Variants in PRELID2 observed in about 807,000 individuals in gnomAD.
The protein encoded by PRELID2 is PRELI domain-containing protein 2.
A neutral mutation model predicts 28.4 loss-of-function variants in PRELID2; 25 were observed. The observed-to-expected ratio is 0.88, with a 90% CI of 0.64 to 1.23. PRELID2 has a LOEUF of 1.23. PRELID2 is among the 50% of genes most tolerant of loss of function. The pLI, the probability that PRELID2 is intolerant of heterozygous loss-of-function variation, is 0.00. For synonymous variants in PRELID2, 76 were observed against 71.6 expected (o/e 1.06, Z -0.31); for missense variants, 201 against 214.4 (o/e 0.94, Z 0.39).
At chr5:145,440,327 T>G in the PRELID2 span, among the ~76,000 whole-genome samples, 2 of 152,220 alleles carry the variant, frequency 1.3e-5, no homozygotes, top group African/African-American at 4.8e-5. Context: ...CAACCCCTTG[T>G]GAACCTCACT....
chr5:145,243,501 A>C, the PRELID2 span, among the ~76,000 whole-genome samples: 1 of 151,992 alleles, frequency 6.6e-6, no homozygotes, highest in Non-Finnish European at 1.5e-5. Flanking sequence ...TACAATTAGC[A>C]CCTCAATTTT....
chr5:145,262,027 C>G, the PRELID2 span, among the ~76,000 whole-genome samples: 1 of 152,108 alleles, frequency 6.6e-6, no homozygotes, highest in Non-Finnish European at 1.5e-5. Context: ...GAATGAAGGA[C>G]ACACTTAGAC....
At chr5:145,688,701 C>T (rs1422160696) in intron 1 of PRELID2, among the ~76,000 whole-genome samples, 1 of 152,192 alleles carries the variant, frequency 6.6e-6, no homozygotes, top group African/African-American at 2.4e-5. Context: ...CAGAGCATGA[C>T]ACATTGGAAG....
chr5:145,230,376 A>G, the PRELID2 span, among the ~76,000 whole-genome samples: 1 of 152,194 alleles, frequency 6.6e-6, no homozygotes, highest in Non-Finnish European at 1.5e-5. Flanking sequence ...GTTTGAGACC[A>G]GCCTGACCAA....
intron 1 of PRELID2, among the ~76,000 whole-genome samples, chr5:145,663,169 C>T (rs2149678386): frequency 6.6e-6 from 1 of 152,130 alleles, no homozygotes; most frequent in South Asian, 2.1e-4. Context: ...AAAGAGTTAC[C>T]TTCTAGCTAG....
At chr5:145,364,131 T>C in the PRELID2 span, among the ~76,000 whole-genome samples, 1 of 151,992 alleles carries the variant, frequency 6.6e-6, no homozygotes, top group East Asian at 1.9e-4. Flanking sequence ...CAGAAGAAAA[T>C]AGGAGTGTGA....
At chr5:145,605,645 T>G (rs1047713957) in intron 1 of PRELID2, among the ~76,000 whole-genome samples, 4 of 152,166 alleles carry the variant, frequency 2.6e-5, no homozygotes, top group African/African-American at 9.7e-5. Flanking sequence ...AGGATTGCCT[T>G]GGCTATTCAA....
the PRELID2 span, among the ~76,000 whole-genome samples, chr5:145,452,564 CCACTGTAGCA>C: frequency 6.6e-6 from 1 of 152,158 alleles, no homozygotes; most frequent in Non-Finnish European, 1.5e-5. Flanking sequence ...TTTATTTCCC[CCACTGTAGCA>C]CAGATCACAC....
At chr5:145,372,940 AAT>A in the PRELID2 span, among the ~76,000 whole-genome samples, 1 of 59,408 alleles carries the variant, frequency 1.7e-5, no homozygotes, top group African/African-American at 5.7e-5. Context: ...CAACATATAT[AAT>A]ATATATGATA....
the PRELID2 span, among the ~76,000 whole-genome samples, chr5:145,309,586 A>T: frequency 6.6e-6 from 1 of 152,190 alleles, no homozygotes; most frequent in African/African-American, 2.4e-5. Context: ...ATAATCAAAA[A>T]TTCCCTTTTA....
intron 1 of PRELID2, among the ~76,000 whole-genome samples, chr5:145,693,998 C>G (rs1382632689): frequency 6.6e-6 from 1 of 152,130 alleles, no homozygotes; most frequent in Non-Finnish European, 1.5e-5. Context: ...GTTCAAATCC[C>G]AGTCCTATCA....
the PRELID2 span, among the ~76,000 whole-genome samples, chr5:145,407,500 T>C: frequency 6.6e-6 from 1 of 152,132 alleles, no homozygotes; most frequent in Non-Finnish European, 1.5e-5. Context: ...AACCCTGCCC[T>C]TAACTGGTGG....
the PRELID2 span, among the ~76,000 whole-genome samples, chr5:145,326,894 A>G: frequency 6.6e-6 from 1 of 152,188 alleles, no homozygotes; most frequent in Non-Finnish European, 1.5e-5. Context: ...TTCTAAGAGC[A>G]TAAAGAAGAA....
intron 1 of PRELID2, among the ~76,000 whole-genome samples, chr5:145,569,604 T>C (rs887576748): frequency 6.6e-6 from 1 of 152,222 alleles, no homozygotes; most frequent in South Asian, 2.1e-4. Flanking sequence ...CATTGGAATA[T>C]GTGATTTCCT....
chr5:145,730,179 G>A (rs2149725616), intron 1 of PRELID2, among the ~76,000 whole-genome samples: 1 of 152,194 alleles, frequency 6.6e-6, no homozygotes, highest in East Asian at 1.9e-4. Context: ...GCCATGAGGA[G>A]TTTTAGACCC....
At chr5:145,250,923 A>G in the PRELID2 span, among the ~76,000 whole-genome samples, 1 of 152,138 alleles carries the variant, frequency 6.6e-6, no homozygotes, top group Non-Finnish European at 1.5e-5. Context: ...TTTAGTGGGT[A>G]CTTACTTTCA....
intron 1 of PRELID2, among the ~76,000 whole-genome samples, chr5:145,737,317 C>G (rs973891774): frequency 6.6e-6 from 1 of 151,774 alleles, no homozygotes; most frequent in South Asian, 2.1e-4. Context: ...GCAATGTTTC[C>G]GCTGAGAAAT....
At chr5:145,498,489 G>GTC (rs1222226786) in intron 1 of PRELID2, among the ~76,000 whole-genome samples, 2 of 151,956 alleles carry the variant, frequency 1.3e-5, no homozygotes, top group Admixed American at 1.3e-4. Context: ...GTGAGAACTT[G>GTC]TCTCTCTCTG....
rs531929491 is a variant in PRELID2, at chr5:145,670,334, A to C, written n.70+94597T>G. 6.7e-4 allele frequency among the ~76,000 whole-genome samples: 102 copies of C among 152,206 alleles called. 1 individual carries two copies. Among genetic ancestry groups the C allele is most frequent in the Middle Eastern group, 6.8e-3 (2 of 294 alleles). ...AGAGACAAAGAGTGAGAACTCACCCAATCTTATGAGAATGGCACCAAATCA... is the reference window on the plus strand; with the variant it reads ...AGAGACAAAGAGTGAGAACTCACCCCATCTTATGAGAATGGCACCAAATCA... On this transcript the variant is annotated intron_variant and non_coding_transcript_variant, in intron 1 of 2. Coordinates refer to the PRELID2 transcript ENST00000510259.
Sources: gnomAD v4.1 joint callset for allele counts (sites outside exome capture counted in the v4.1 genomes callset) on GRCh38, gnomAD v4.1.1 for gene constraint, MANE v1.5 for transcripts, NCBI Gene and HGNC (gene_info 2026-07-23, HGNC 2026-07-21) for gene names.